PPA2: variants seen among roughly 807,000 people sequenced by gnomAD.
PPA2 encodes inorganic pyrophosphatase 2, mitochondrial.
In PPA2, 48 loss-of-function variants were observed where a neutral mutation model predicts 49.5. That is an observed-to-expected ratio of 0.97 (90% confidence interval 0.77 to 1.23). PPA2 has a LOEUF of 1.23. Among genes scored for constraint, PPA2 ranks in the 50% most tolerant of loss-of-function variants. The pLI is 0.00. For synonymous variants in PPA2, 131 were observed against 139.9 expected (o/e 0.94, Z 0.45); for missense variants, 429 against 410.1 (o/e 1.05, Z -0.40).
intron 9 of PPA2, among the ~76,000 whole-genome samples, chr4:105,389,089 T>C (rs1375234018): frequency 6.6e-6 from 1 of 152,224 alleles, no homozygotes; most frequent in Non-Finnish European, 1.5e-5. Context: ...TGTACATACC[T>C]AAATGTACTT....
chr4:105,389,478 C>T (rs1733817819), intron 9 of PPA2, among the ~76,000 whole-genome samples: 1 of 149,798 alleles, frequency 6.7e-6, no homozygotes, highest in Admixed American at 6.6e-5. Flanking sequence ...AAAGAATGCA[C>T]TGCTTTCCTT....
rs1015819598 is a variant in PPA2, at chr4:105,394,634, C to T, written c.869+1615G>A. On this transcript the variant is annotated intron_variant, in intron 9 of 11. Coordinates refer to ENST00000341695, the MANE Select transcript of PPA2 (RefSeq NM_176869.3). ...ACTGTTAATGTAATCCTTATCATTA[C>T]TCAGGAGGCTATAGCAAAATGATTC... Among the ~76,000 whole-genome samples the T allele has an allele frequency of 1.2e-4, 19 of 152,160 alleles. 1 individual carries two copies. The highest frequency in any genetic ancestry group is 6.8e-3 in the Middle Eastern group (2 of 294).
At chr4:105,421,793 A>G (rs1723264347) in intron 7 of PPA2, among the ~76,000 whole-genome samples, 1 of 152,208 alleles carries the variant, frequency 6.6e-6, no homozygotes, top group Non-Finnish European at 1.5e-5. Flanking sequence ...CTGTAATCCC[A>G]GTACTTTGGG....
intron 7 of PPA2, among the ~76,000 whole-genome samples, chr4:105,402,486 C>T (rs1427214403): frequency 6.6e-6 from 1 of 152,126 alleles, no homozygotes; most frequent in Non-Finnish European, 1.5e-5. Flanking sequence ...GGGAGGAAGA[C>T]AGTAAATGCA....
At chr4:105,411,248 G>C (rs1015626152) in intron 7 of PPA2, among the ~76,000 whole-genome samples, 1 of 152,020 alleles carries the variant, frequency 6.6e-6, no homozygotes, top group African/African-American at 2.4e-5. Context: ...AAAAAAGCAA[G>C]GTTTGCAATC....
chr4:105,449,488 G>A, intron 3 of PPA2, 85 bp from the exon 4 acceptor site: 1 of 770,736 alleles, frequency 1.3e-6, no homozygotes, highest in South Asian at 1.9e-5. Flanking sequence ...GAATACCTTA[G>A]ATGTTTTCCC....
rs985742349 is a variant in PPA2, at chr4:105,424,154, C to A, written c.655+42G>T. On this transcript the variant is annotated intron_variant, in intron 7 of 11. Coordinates refer to ENST00000341695, the MANE Select transcript of PPA2 (RefSeq NM_176869.3). The stretch of plus-strand genomic sequence containing the variant: ...TTTTAAGTTCTCAGAATTCCAATGA[C>A]ACACTAATTTGCTTTCACTTTCTGG... 7.6e-6 allele frequency: 12 copies of A among 1,581,584 alleles called. No homozygotes were observed. In the African/African-American group the frequency reaches 1.4e-4, roughly 18 times the overall value.
intron 7 of PPA2, among the ~76,000 whole-genome samples, chr4:105,401,898 TC>T (rs1363858957): frequency 6.6e-6 from 1 of 152,164 alleles, no homozygotes; most frequent in Non-Finnish European, 1.5e-5. Flanking sequence ...AGCCCACACT[TC>T]TATTTCCATC....
chr4:105,453,881 G>A (rs939890578), intron 2 of PPA2: 58 of 356,690 alleles, frequency 1.6e-4, no homozygotes, highest in East Asian at 2.5e-4. Flanking sequence ...CCTCTTTCAC[G>A]TATATTTTCC....
chr4:105,425,723 T>TAC (rs59144523), intron 6 of PPA2, among the ~76,000 whole-genome samples: 26,544 of 122,272 alleles, frequency 0.22, 2,441 homozygotes, highest in East Asian at 0.4. Flanking sequence ...CACATGCACA[T>TAC]ACACACACAC....
intron 5 of PPA2, among the ~76,000 whole-genome samples, chr4:105,440,269 C>CT (rs1195636760): frequency 0.017 from 2,500 of 149,164 alleles, 83 homozygotes; most frequent in African/African-American, 0.058. Context: ...TTTTTTCTTT[C>CT]TTTTTTTTTT....
chr4:105,424,695 G>A (rs551100474), intron 6 of PPA2, among the ~76,000 whole-genome samples: 67 of 152,212 alleles, frequency 4.4e-4, no homozygotes, highest in African/African-American at 1.3e-3. Context: ...CTGGTTTTCT[G>A]CTCAATACAC....
intron 4 of PPA2, 35 bp from the exon 5 acceptor site, chr4:105,446,537 G>T: frequency 6.3e-7 from 1 of 1,582,390 alleles, no homozygotes; most frequent in Non-Finnish European, 8.6e-7. Context: ...AAGGAGATGG[G>T]ATAAGAAATA....
At chr4:105,458,530 A>G (rs907556636) in intron 1 of PPA2, among the ~76,000 whole-genome samples, 1 of 152,074 alleles carries the variant, frequency 6.6e-6, no homozygotes, top group Non-Finnish European at 1.5e-5. Context: ...CTGCCCAACA[A>G]AAACAGAGGC....
intron 10 of PPA2, among the ~76,000 whole-genome samples, chr4:105,377,812 C>T (rs1223964471): frequency 2.6e-5 from 4 of 152,048 alleles, no homozygotes; most frequent in Non-Finnish European, 5.9e-5. Context: ...TATGATATAT[C>T]TGTTTTCACT....
intron 5 of PPA2, among the ~76,000 whole-genome samples, chr4:105,444,821 T>A (rs551187014): frequency 6.6e-6 from 1 of 152,318 alleles, no homozygotes; most frequent in African/African-American, 2.4e-5. Context: ...GAAAGAACCA[T>A]ACGATAATAA....
At chr4:105,440,520 G>A (rs772691787) in intron 5 of PPA2, among the ~76,000 whole-genome samples, 4 of 151,924 alleles carry the variant, frequency 2.6e-5, no homozygotes, top group Non-Finnish European at 4.4e-5. Context: ...CTCGGCCTCC[G>A]ACAGTGCTGG....
chr4:105,399,314 T>C, intron 7 of PPA2, 150 bp from the exon 8 acceptor site: 1 of 662,108 alleles, frequency 1.5e-6, no homozygotes, highest in Admixed American at 3.0e-5. Flanking sequence ...GCATCATCAT[T>C]GATATGTATA....
At chr4:105,374,331 AG>A (rs1733150473) in intron 10 of PPA2, among the ~76,000 whole-genome samples, 1 of 152,170 alleles carries the variant, frequency 6.6e-6, no homozygotes, top group Non-Finnish European at 1.5e-5. Context: ...AAGCCAAGGC[AG>A]GTAGATCCAC....
Sources: allele counts gnomAD v4.1 joint callset (sites outside exome capture counted in the v4.1 genomes callset), GRCh38; gene constraint gnomAD v4.1.1; transcripts MANE v1.5; gene names NCBI Gene and HGNC (gene_info 2026-07-23, HGNC 2026-07-21).